LRRC63: variants seen among roughly 807,000 people sequenced by gnomAD.
LRRC63 encodes the protein leucine rich repeat containing 63.
A neutral mutation model predicts 49.5 loss-of-function variants in LRRC63; 40 were observed. The observed-to-expected ratio is 0.81, with a 90% CI of 0.63 to 1.05. The LOEUF is 1.05. LRRC63 is among the 50% of genes least tolerant of loss of function. LRRC63 has a pLI of 0.00. For synonymous variants in LRRC63, 191 were observed against 221.1 expected, an observed-to-expected ratio of 0.86 and a Z score of 1.21; for missense variants, 636 against 663.1, an observed-to-expected ratio of 0.96 and a Z score of 0.45.
chr13:46,247,370 A>C (rs190252649), intron 6 of LRRC63, among the ~76,000 whole-genome samples: 2 of 152,274 alleles, frequency 1.3e-5, no homozygotes, highest in African/African-American at 4.8e-5. Context: ...AATTGACAAG[A>C]ATTCCCAAGG....
chr13:46,267,608 A>G (rs906106128), intron 9 of LRRC63, among the ~76,000 whole-genome samples: 1 of 152,214 alleles, frequency 6.6e-6, no homozygotes, highest in African/African-American at 2.4e-5. Flanking sequence ...AATTAGAAAC[A>G]TTGACTCAAT....
intron 9 of LRRC63, among the ~76,000 whole-genome samples, chr13:46,268,358 G>T (rs963780139): frequency 1.3e-5 from 2 of 152,152 alleles, no homozygotes; most frequent in Non-Finnish European, 2.9e-5. Flanking sequence ...TACTCAGAAA[G>T]TGAGAACAGA....
At chr13:46,268,105 A>T (rs2047706406) in intron 9 of LRRC63, among the ~76,000 whole-genome samples, 1 of 152,244 alleles carries the variant, frequency 6.6e-6, no homozygotes, top group Non-Finnish European at 1.5e-5. Context: ...AATCAAACAG[A>T]TACTAATTTC....
chr13:46,237,314 AT>A (rs2046930373), intron 5 of LRRC63, among the ~76,000 whole-genome samples: 1 of 152,168 alleles, frequency 6.6e-6, no homozygotes, highest in African/African-American at 2.4e-5. Flanking sequence ...TTCCTTATGC[AT>A]TTTGAAAACC....
At chr13:46,260,568 G>A (rs1001502895) in intron 7 of LRRC63, among the ~76,000 whole-genome samples, 24 of 152,270 alleles carry the variant, frequency 1.6e-4, no homozygotes, top group Admixed American at 5.2e-4. Context: ...TTTATTGCAC[G>A]ATGTGATGGG....
intron 5 of LRRC63, among the ~76,000 whole-genome samples, chr13:46,238,823 C>G (rs2046976136): frequency 6.6e-6 from 1 of 152,168 alleles, no homozygotes; most frequent in African/African-American, 2.4e-5. Context: ...AAATAGAAGT[C>G]AAGACTTTTA....
intron 5 of LRRC63, 82 bp downstream of exon 5, chr13:46,234,431 C>T: frequency 2.2e-6 from 3 of 1,351,964 alleles, no homozygotes; most frequent in Non-Finnish European, 3.0e-6. Context: ...AGATTAGTTT[C>T]CATGGTATTG....
chr13:46,227,996 G>A, exon 3 of LRRC63: 8 of 1,551,008 alleles, frequency 5.2e-6, no homozygotes, highest in Non-Finnish European at 7.0e-6. Flanking sequence ...ATACTTATCA[G>A]CACATCTCGA....
At chr13:46,270,922 C>G (rs1315728258) in intron 9 of LRRC63, among the ~76,000 whole-genome samples, 1 of 152,104 alleles carries the variant, frequency 6.6e-6, no homozygotes, top group Non-Finnish European at 1.5e-5. Flanking sequence ...CAAAGCTCTT[C>G]AAAGAAAATT....
chr13:46,234,136 C>T, intron 4 of LRRC63, 56 bp from the exon 5 acceptor site: 1 of 1,446,048 alleles, frequency 6.9e-7, no homozygotes, highest in Non-Finnish European at 9.4e-7. Flanking sequence ...TCTTAACTTT[C>T]ATTCTAAGTG....
chr13:46,267,609 T>A (rs1199411001), intron 9 of LRRC63, among the ~76,000 whole-genome samples: 4 of 152,166 alleles, frequency 2.6e-5, no homozygotes, highest in African/African-American at 9.7e-5. Flanking sequence ...ATTAGAAACA[T>A]TGACTCAATA....
intron 6 of LRRC63, among the ~76,000 whole-genome samples, chr13:46,249,243 TA>T (rs1392054420): frequency 6.6e-6 from 1 of 151,544 alleles, no homozygotes; most frequent in Non-Finnish European, 1.5e-5. Context: ...AAGGGCAAAC[TA>T]AACCTAAACA....
chr13:46,250,377 A>G, exon 7 of LRRC63: 1 of 1,517,486 alleles, frequency 6.6e-7, no homozygotes, highest in Non-Finnish European at 8.9e-7. Flanking sequence ...AAAAATTTAC[A>G]AATACTGAAA....
intron 4 of LRRC63, among the ~76,000 whole-genome samples, chr13:46,232,362 C>T (rs1369806223): frequency 6.6e-6 from 1 of 152,180 alleles, no homozygotes; most frequent in Admixed American, 6.5e-5. Context: ...TAGAACAAGA[C>T]TCCAAGAAAC....
chr13:46,266,216 G>A (rs1044048344), intron 8 of LRRC63, among the ~76,000 whole-genome samples: 1 of 152,144 alleles, frequency 6.6e-6, no homozygotes, highest in African/African-American at 2.4e-5. Flanking sequence ...AGTAATGTTG[G>A]TTCTCTTTGA....
intron 2 of LRRC63, among the ~76,000 whole-genome samples, chr13:46,213,335 T>G (rs1046404973): frequency 6.6e-6 from 1 of 152,246 alleles, no homozygotes; most frequent in Admixed American, 6.5e-5. Context: ...TAAAATTTAC[T>G]TGTAACCCCA....
At chr13:46,227,339 A>G (rs866721913) in intron 2 of LRRC63, among the ~76,000 whole-genome samples, 173 bp from the exon 3 acceptor site, 12 of 152,212 alleles carry the variant, frequency 7.9e-5, no homozygotes, top group African/African-American at 9.6e-5. Flanking sequence ...TGCTCACTCA[A>G]ACTTTATACC....
At chr13:46,227,781 C>A (rs996575928) in exon 3 of LRRC63, 10 of 1,550,242 alleles carry the variant, frequency 6.5e-6, no homozygotes, top group Admixed American at 2.0e-5. Context: ...AGCTTCTACT[C>A]GAATTTTTGG....
chr13:46,267,348 C>T (rs1457254690), intron 9 of LRRC63, among the ~76,000 whole-genome samples: 1 of 152,106 alleles, frequency 6.6e-6, no homozygotes, highest in Non-Finnish European at 1.5e-5. Flanking sequence ...TCATGGAGAC[C>T]AGGAATGGAG....
Sources: gnomAD v4.1 joint callset for allele counts (sites outside exome capture counted in the v4.1 genomes callset) on GRCh38, gnomAD v4.1.1 for gene constraint, MANE v1.5 for transcripts, NCBI Gene and HGNC (gene_info 2026-07-23, HGNC 2026-07-21) for gene names.